FAM193B: variants seen among roughly 807,000 people sequenced by gnomAD.
FAM193B encodes the protein family with sequence similarity 193 member B.
In FAM193B, 27 loss-of-function variants were observed where a neutral mutation model predicts 70.7. That is an observed-to-expected ratio of 0.38 (90% CI 0.28 to 0.53). FAM193B has a LOEUF of 0.53. Among genes scored for constraint, FAM193B ranks in the 20% least tolerant of loss-of-function variants. The probability of loss-of-function intolerance (pLI) is 0.81; values close to 1 mark genes in which losing one functional copy is unlikely to be tolerated. For missense variants in FAM193B, 1,022 were observed against 1,072.5 expected (o/e 0.95, Z 0.66); for synonymous variants, 448 against 436.0 (o/e 1.03, Z -0.34).
At chr5:177,520,887 A>C (rs1761628784) in intron 8 of FAM193B, among the ~76,000 whole-genome samples, 1 of 152,178 alleles carries the variant, frequency 6.6e-6, no homozygotes, top group Non-Finnish European at 1.5e-5. Flanking sequence ...GTGAGTGTAA[A>C]GAAGACAGTC....
At chr5:177,520,904 C>T (rs954466100) in intron 8 of FAM193B, among the ~76,000 whole-genome samples, 11 of 152,210 alleles carry the variant, frequency 7.2e-5, no homozygotes, top group Admixed American at 7.2e-4. Context: ...AGTCTGGACT[C>T]TGGGGCAGCA....
At chr5:177,525,329 T>C (rs1425386770) in intron 5 of FAM193B, 124 bp from the exon 6 acceptor site, 2 of 1,027,722 alleles carry the variant, frequency 1.9e-6, no homozygotes, top group African/African-American at 1.7e-5. Flanking sequence ...CTTAAAATCC[T>C]AGCCTGCTTA....
chr5:177,531,415 C>T, intron 5 of FAM193B: 2 of 1,361,376 alleles, frequency 1.5e-6, no homozygotes, highest in Non-Finnish European at 2.0e-6. Context: ...AGGGATCCCG[C>T]CCAGGGTGCC....
At chr5:177,539,318 T>C (rs1271423231) in intron 1 of FAM193B, 171 bp from the exon 2 acceptor site, 13 of 751,648 alleles carry the variant, frequency 1.7e-5, no homozygotes, top group Non-Finnish European at 1.8e-5. Context: ...GGTGTTCTTA[T>C]TCCCATTTTT....
intron 1 of FAM193B, among the ~76,000 whole-genome samples, chr5:177,542,926 GT>G (rs1487453169): frequency 2.0e-5 from 3 of 152,160 alleles, no homozygotes; most frequent in African/African-American, 7.2e-5. Flanking sequence ...AGTGGGCCAT[GT>G]GGTAGAGAAC....
In FAM193B at chr5:177,524,748, A is replaced by G; in HGVS notation, c.1733T>C (p.Val578Ala). The G allele has an allele frequency of 2.0e-6, 3 of 1,536,030 alleles. No individual in the cohort carries two copies. The highest frequency in any genetic ancestry group is 2.6e-5 in the South Asian group (2 of 78,278). The change falls in exon 6 of 9, where the codon GTC becomes GCC. Residue 578 changes from valine to alanine, a missense_variant. Coordinates refer to ENST00000514747, the MANE Select transcript of FAM193B (RefSeq NM_001190946.3). ...TEVRGPPPGI[V>A]PENGLVRRLN... ...TCTCCTCACGAGCCCGTTCTCGGGG[A>G]CGATACCGGGAGGGGGCCCCCTCAC...
intron 5 of FAM193B, among the ~76,000 whole-genome samples, chr5:177,525,688 G>A (rs975324993): frequency 2.0e-5 from 3 of 152,246 alleles, no homozygotes; most frequent in East Asian, 1.9e-4. Context: ...CAAAGAGGGC[G>A]GTGTTCCCGT....
At chr5:177,525,869 C>G (rs936293472) in intron 5 of FAM193B, among the ~76,000 whole-genome samples, 1 of 152,236 alleles carries the variant, frequency 6.6e-6, no homozygotes, top group Non-Finnish European at 1.5e-5. Flanking sequence ...TGCCAGTTGG[C>G]TTTGACAGAT....
At chr5:177,529,762 G>A (rs1002406333) in intron 5 of FAM193B, among the ~76,000 whole-genome samples, 5 of 152,190 alleles carry the variant, frequency 3.3e-5, no homozygotes, top group East Asian at 1.9e-4. Flanking sequence ...GGGAACTGCC[G>A]GATGTGCTCT....
Position 177,538,112 on chromosome 5 carries a change from A to G in FAM193B, c.454-5T>C, listed in dbSNP as rs959444204. 2 of 1,532,664 alleles carry G rather than the reference A, an allele frequency of 1.3e-6. No homozygotes were observed. Among genetic ancestry groups the G allele is most frequent in the African/African-American group, 1.4e-5 (1 of 72,666 alleles). The allele number at this position is 1,532,664 out of a possible 1,614,324, so 94.9% of individuals were successfully genotyped here. A position where few individuals can be genotyped will look rare whatever the true frequency, so the allele number is the denominator to read the frequency against. On this transcript the variant is annotated splice_region_variant and splice_polypyrimidine_tract_variant and intron_variant, in intron 2 of 8. Coordinates refer to ENST00000514747, the MANE Select transcript of FAM193B (RefSeq NM_001190946.3). The surrounding 1 kb of genome is among the most constrained non-coding windows in gnomAD (Gnocchi z 4.1). ...GGATGTGTGTGACAAGGAGATCTGG[A>G]GAAGGGGGAGGAAAAAGGCTCACGG...
intron 7 of FAM193B, chr5:177,522,906 G>A (rs1382346317): frequency 6.6e-6 from 1 of 152,218 alleles, no homozygotes; most frequent in Admixed American, 6.6e-5. Context: ...TTAGAGACAG[G>A]GTTTCACCAT....
Position 177,532,645 on chromosome 5 carries a change from A to C in FAM193B, c.1077-4T>G. 6.5e-7 allele frequency: 1 copy of C among 1,533,282 alleles called. No homozygotes were observed. Among genetic ancestry groups the C allele is most frequent in the Non-Finnish European group, 8.7e-7 (1 of 1,148,394 alleles). The allele number at this position is 1,533,282 out of a possible 1,614,324, so 95.0% of individuals were successfully genotyped here. On this transcript the variant is annotated splice_region_variant and splice_polypyrimidine_tract_variant and intron_variant, in intron 4 of 8. Transcript: ENST00000514747. The surrounding 1 kb of genome is among the most constrained non-coding windows in gnomAD (Gnocchi z 4.9). The stretch of plus-strand genomic sequence containing the variant: ...GTGCCCCTTGCACCCGGGATCCCTG[A>C]TGATGGGGAGGAAGGCCCAGAGGTG...
chr5:177,537,327 A>T (rs1227515103), intron 3 of FAM193B, among the ~76,000 whole-genome samples: 1 of 152,264 alleles, frequency 6.6e-6, no homozygotes, highest in African/African-American at 2.4e-5. Context: ...AATCATATTT[A>T]CATAATAAAC....
chr5:177,523,840 C>A, intron 7 of FAM193B, 117 bp downstream of exon 7: 1 of 1,202,454 alleles, frequency 8.3e-7, no homozygotes. Context: ...TGAGCCTCCC[C>A]AAGGGGTCAG....
rs1763664652 is a variant in FAM193B, at chr5:177,532,704, C to A, written c.1077-63G>T. Reference sequence around the variant, plus strand: ...TGATGCAGAAACCCAGGAAGCATCCCAACCACCACCTGCCATCCTGACCGC... The same window carrying A: ...TGATGCAGAAACCCAGGAAGCATCCAAACCACCACCTGCCATCCTGACCGC... On this transcript the variant is annotated intron_variant, in intron 4 of 8. Coordinates refer to ENST00000514747, the MANE Select transcript of FAM193B (RefSeq NM_001190946.3). This position sits in a 1 kb window ranked among gnomAD's most constrained non-coding sequence, Gnocchi z 4.9. 3 of 1,404,212 alleles carry A rather than the reference C, an allele frequency of 2.1e-6. No homozygotes were observed. Among genetic ancestry groups the A allele is most frequent in the Non-Finnish European group, 2.8e-6 (3 of 1,077,016 alleles). 87.0% of individuals were successfully genotyped at this position (1,404,212 alleles called of 1,614,324 possible).
chr5:177,549,461 G>A (rs986503825), intron 1 of FAM193B, among the ~76,000 whole-genome samples: 1 of 151,996 alleles, frequency 6.6e-6, no homozygotes, highest in Admixed American at 6.6e-5. Flanking sequence ...CCAAAGTGCT[G>A]GGATTACAGG....
chr5:177,548,217 A>C (rs1419153901), intron 1 of FAM193B, among the ~76,000 whole-genome samples: 1 of 152,184 alleles, frequency 6.6e-6, no homozygotes, highest in East Asian at 1.9e-4. Context: ...GTATCTCTAG[A>C]ATAGAGCTTA....
intron 1 of FAM193B, among the ~76,000 whole-genome samples, chr5:177,550,006 A>G (rs1244750238): frequency 2.0e-5 from 3 of 152,196 alleles, no homozygotes; most frequent in Non-Finnish European, 4.4e-5. Context: ...CATCCATCTG[A>G]TATCAAAAAT....
chr5:177,522,170 G>T, intron 7 of FAM193B, 99 bp from the exon 8 acceptor site: 1 of 956,320 alleles, frequency 1.0e-6, no homozygotes, highest in Non-Finnish European at 1.6e-6. Context: ...AAGAGACCAG[G>T]TTCTCTACAA....
Sources: allele counts gnomAD v4.1 joint callset (sites outside exome capture counted in the v4.1 genomes callset), GRCh38; gene constraint gnomAD v4.1.1; non-coding constraint Gnocchi (gnomAD v3.1); transcripts MANE v1.5; gene names NCBI Gene and HGNC (gene_info 2026-07-23, HGNC 2026-07-21).